The following MID1 variants were observed in gnomAD, a reference collection of about 807,000 sequenced individuals.
MID1 encodes E3 ubiquitin-protein ligase Midline-1.
A neutral mutation model predicts 40.4 loss-of-function variants in MID1; 7 were observed. The observed-to-expected ratio is 0.17, with a 90% CI of 0.10 to 0.33. MID1 has a LOEUF of 0.33. Ranked by LOEUF, MID1 falls within the 10% of genes least tolerant of loss-of-function variation. The pLI, the probability that MID1 is intolerant of heterozygous loss-of-function variation, is 1.00. For synonymous variants in MID1, 229 were observed against 221.2 expected (o/e 1.04, Z -0.31); for missense variants, 367 against 558.5 (o/e 0.66, Z 3.46).
At chrX:10,820,400 GAC>G (rs1347093833) in intron 1 of MID1, among the ~76,000 whole-genome samples, 2 of 111,949 alleles carry the variant, frequency 1.8e-5, no homozygotes, top group African/African-American at 6.5e-5. Flanking sequence ...AGTCCCGAAA[GAC>G]AACACATTTT....
chrX:10,679,214 A>C (rs1479954624), intron 1 of MID1, among the ~76,000 whole-genome samples: 1 of 112,515 alleles, frequency 8.9e-6, no homozygotes, highest in Non-Finnish European at 1.9e-5. Context: ...ACAGATGCCC[A>C]GGCAATGAAA....
At chrX:10,816,022 T>G (rs964159827) in intron 1 of MID1, among the ~76,000 whole-genome samples, 2 of 111,917 alleles carry the variant, frequency 1.8e-5, no homozygotes, top group Admixed American at 9.5e-5. Flanking sequence ...ACTCTCAGGC[T>G]TCATTCTCAG....
intron 9 of MID1, among the ~76,000 whole-genome samples, chrX:10,451,293 C>T (rs1928321206): frequency 9.0e-6 from 1 of 111,624 alleles, no homozygotes; most frequent in African/African-American, 3.3e-5. Flanking sequence ...GCACAAGATC[C>T]AGAAGTGCTT....
chrX:10,491,291 G>A (rs1225164045), intron 4 of MID1, among the ~76,000 whole-genome samples: 1 of 111,754 alleles, frequency 8.9e-6, no homozygotes, highest in Non-Finnish European at 1.9e-5. Context: ...AGCTGTTCTT[G>A]TTTGTTTCCT....
intron 1 of MID1, among the ~76,000 whole-genome samples, chrX:10,787,224 C>T (rs58793486): frequency 0.1 from 11,537 of 110,129 alleles, 1,477 homozygotes; most frequent in African/African-American, 0.36. Flanking sequence ...GTAGAAAATA[C>T]ATAATCCTAG....
intron 1 of MID1, among the ~76,000 whole-genome samples, chrX:10,761,130 A>C (rs2043675082): frequency 9.0e-6 from 1 of 111,513 alleles, no homozygotes; most frequent in Non-Finnish European, 1.9e-5. Context: ...CACTCAGAAC[A>C]ACAGACAGCA....
intron 1 of MID1, among the ~76,000 whole-genome samples, chrX:10,617,063 A>C (rs746860273): frequency 1.8e-5 from 2 of 112,466 alleles, no homozygotes; most frequent in South Asian, 7.4e-4. Context: ...TGCCAGTTAC[A>C]GAATGATAAG....
intron 3 of MID1, among the ~76,000 whole-genome samples, chrX:10,521,813 A>T (rs1239311564): frequency 8.9e-6 from 1 of 112,109 alleles, no homozygotes; most frequent in African/African-American, 3.2e-5. Flanking sequence ...TGGTACCTGT[A>T]AATGGGACCT....
At chrX:10,553,433 A>C (rs1934002997) in intron 2 of MID1, among the ~76,000 whole-genome samples, 1 of 111,377 alleles carries the variant, frequency 9.0e-6, no homozygotes, top group Admixed American at 9.5e-5. Flanking sequence ...ACAGATCAAA[A>C]AGTTTTATTA....
chrX:10,546,541 CTA>C (rs1933689113), intron 2 of MID1, among the ~76,000 whole-genome samples: 2 of 111,355 alleles, frequency 1.8e-5, no homozygotes, highest in Non-Finnish European at 3.8e-5. Context: ...GTTGCCTGTC[CTA>C]TAAAGACAAT....
At chrX:10,535,829 A>G (rs1235066148) in intron 2 of MID1, among the ~76,000 whole-genome samples, 1 of 112,312 alleles carries the variant, frequency 8.9e-6, no homozygotes, top group Non-Finnish European at 1.9e-5. Context: ...AGCTCTATTC[A>G]CTTTCAAACG....
intron 1 of MID1, among the ~76,000 whole-genome samples, chrX:10,641,808 T>A (rs1326675299): frequency 9.0e-6 from 1 of 110,747 alleles, no homozygotes; most frequent in Non-Finnish European, 1.9e-5. Context: ...CATCAAAACG[T>A]TTATCCACCG....
chrX:10,453,884 G>A (rs1928495113), intron 9 of MID1, among the ~76,000 whole-genome samples: 2 of 112,114 alleles, frequency 1.8e-5, no homozygotes, highest in Non-Finnish European at 3.8e-5. Flanking sequence ...CATCAGTAAA[G>A]TGGATAATAT....
chrX:10,590,836 G>C (rs947244584), intron 1 of MID1, among the ~76,000 whole-genome samples: 11 of 111,932 alleles, frequency 9.8e-5, no homozygotes, highest in African/African-American at 3.6e-4. Flanking sequence ...TTATCCCTAA[G>C]GTTATCCCTT....
chrX:10,465,212 T>TACACAC (rs1291317865), intron 7 of MID1, among the ~76,000 whole-genome samples: 124 of 55,988 alleles, frequency 2.2e-3, no homozygotes, highest in African/African-American at 7.7e-3. Flanking sequence ...TATATATATA[T>TACACAC]ATACACACAC....
At chrX:10,700,705 G>GA (rs1312433552) in intron 1 of MID1, among the ~76,000 whole-genome samples, 1 of 112,016 alleles carries the variant, frequency 8.9e-6, no homozygotes, top group Non-Finnish European at 1.9e-5. Context: ...GACATCTTAG[G>GA]AAAAAAACTA....
At chrX:10,663,541 T>C (rs2042930803) in intron 1 of MID1, among the ~76,000 whole-genome samples, 1 of 111,347 alleles carries the variant, frequency 9.0e-6, no homozygotes, top group Non-Finnish European at 1.9e-5. Context: ...TGTTTGTTTG[T>C]TTGTATTTAG....
chrX:10,740,407 T>C (rs1314756721), intron 1 of MID1, among the ~76,000 whole-genome samples: 1 of 112,659 alleles, frequency 8.9e-6, no homozygotes, highest in Non-Finnish European at 1.9e-5. Flanking sequence ...TGAAGTACCA[T>C]GCTTTTCTCA....
intron 1 of MID1, among the ~76,000 whole-genome samples, chrX:10,605,688 A>G (rs944267449): frequency 8.9e-6 from 1 of 111,849 alleles, no homozygotes; most frequent in Non-Finnish European, 1.9e-5. Context: ...TATGAAACTA[A>G]TACATTTTTT....
Sources: gnomAD v4.1 joint callset for allele counts (sites outside exome capture counted in the v4.1 genomes callset) on GRCh38, gnomAD v4.1.1 for gene constraint, MANE v1.5 for transcripts, NCBI Gene and HGNC (gene_info 2026-07-23, HGNC 2026-07-21) for gene names.